The following SUSD4 variants were observed in gnomAD, a reference collection of about 807,000 sequenced individuals.
SUSD4 encodes the protein sushi domain containing 4.
In SUSD4, 41 loss-of-function variants were observed where a neutral mutation model predicts 50.5. That is an observed-to-expected ratio of 0.81 (90% CI 0.63 to 1.05). The LOEUF (loss-of-function observed/expected upper bound fraction) is 1.05. Among genes scored for constraint, SUSD4 ranks in the 50% least tolerant of loss-of-function variants. SUSD4 has a pLI of 0.00. For missense variants in SUSD4, 580 were observed against 634.7 expected, an observed-to-expected ratio of 0.91 and a Z score of 0.93; for synonymous variants, 257 against 257.3, an observed-to-expected ratio of 1.00 and a Z score of 0.01.
intron 2 of SUSD4, among the ~76,000 whole-genome samples, chr1:223,299,523 A>G (rs559704701): frequency 6.6e-6 from 1 of 152,270 alleles, no homozygotes; most frequent in East Asian, 1.9e-4. Flanking sequence ...TTTAATTCAG[A>G]GTGGAGCACT....
chr1:223,271,176 T>C (rs1290997806), intron 3 of SUSD4, among the ~76,000 whole-genome samples: 2 of 152,222 alleles, frequency 1.3e-5, no homozygotes, highest in African/African-American at 4.8e-5. Context: ...TTAAAACTTG[T>C]TCAGCAATTA....
intron 5 of SUSD4, among the ~76,000 whole-genome samples, chr1:223,246,364 C>A (rs1012300288): frequency 6.6e-6 from 1 of 152,056 alleles, no homozygotes; most frequent in African/African-American, 2.4e-5. Context: ...AGCCATTCTG[C>A]AGTGAGTTGG....
In SUSD4 at chr1:223,223,333, G is replaced by A. The variant is rs777837799; in HGVS notation, c.1360C>T (p.His454Tyr). 4 of 1,610,856 alleles carry A rather than the reference G, an allele frequency of 2.5e-6. No individual in the cohort carries two copies. The South Asian group carries it at 3.3e-5, about 13-fold the overall frequency. ...ATGTCAGGGTTGTCCGAAGCAGGGT[G>A]GGTGCTCTCTTGGCACCTGGGAGGT... ...YSPPRCQEST[H>Y]PASDNPDIIA... is the part of the protein sequence containing the mutation. The change falls in exon 8 of 9, where the codon CAC (histidine) becomes TAC (tyrosine). Residue 454 changes from histidine (H) to tyrosine (Y), a missense_variant. Physicochemically the swap from His to Tyr is moderately conservative, Grantham distance 83. Transcript: ENST00000366878.
chr1:223,259,372 T>G (rs1225462101), intron 5 of SUSD4, among the ~76,000 whole-genome samples: 1 of 152,182 alleles, frequency 6.6e-6, no homozygotes, highest in Non-Finnish European at 1.5e-5. Flanking sequence ...GTCCTCTAAT[T>G]TAGCACTTAG....
chr1:223,315,927 G>T (rs35059272), intron 2 of SUSD4, among the ~76,000 whole-genome samples: 9,733 of 152,194 alleles, frequency 0.064, 367 homozygotes, highest in East Asian at 0.12. Context: ...GTCTGTCTTA[G>T]AAGCCTACAT....
chr1:223,301,036 T>C (rs1558230123), intron 2 of SUSD4, among the ~76,000 whole-genome samples: 1 of 152,242 alleles, frequency 6.6e-6, no homozygotes, highest in Non-Finnish European at 1.5e-5. Flanking sequence ...CTCTGAGGCT[T>C]CTGACTTGCA....
chr1:223,324,325 C>G (rs1666750824), intron 2 of SUSD4, among the ~76,000 whole-genome samples: 1 of 151,406 alleles, frequency 6.6e-6, no homozygotes, highest in African/African-American at 2.4e-5. Context: ...TGTCTTGGGG[C>G]CATTGGGTGT....
intron 7 of SUSD4, among the ~76,000 whole-genome samples, chr1:223,224,510 A>T (rs1023597148): frequency 6.6e-6 from 1 of 152,272 alleles, no homozygotes; most frequent in African/African-American, 2.4e-5. Context: ...AGAAGGAAAA[A>T]AAAGGAAAGC....
intron 2 of SUSD4, among the ~76,000 whole-genome samples, chr1:223,306,927 T>A (rs1665566981): frequency 6.6e-6 from 1 of 150,842 alleles, no homozygotes; most frequent in Non-Finnish European, 1.5e-5. Flanking sequence ...TAATATCTTA[T>A]CACTAAATGA....
chr1:223,222,669 C>A (rs1357609422), intron 8 of SUSD4, among the ~76,000 whole-genome samples: 3 of 152,230 alleles, frequency 2.0e-5, no homozygotes, highest in South Asian at 2.1e-4. Context: ...CTGTAGGAAA[C>A]AGAGACCTAA....
intron 2 of SUSD4, among the ~76,000 whole-genome samples, chr1:223,319,261 A>G (rs1666429710): frequency 1.6e-5 from 2 of 127,970 alleles, no homozygotes; most frequent in Non-Finnish European, 3.2e-5. Context: ...CTTCATGTCC[A>G]AAACACCAAA....
chr1:223,247,129 C>T (rs1660990432), intron 5 of SUSD4, among the ~76,000 whole-genome samples: 1 of 152,166 alleles, frequency 6.6e-6, no homozygotes, highest in Admixed American at 6.5e-5. Flanking sequence ...GAAAGACTTG[C>T]TCCTTTAGTC....
chr1:223,360,496 T>C (rs1668913572), intron 2 of SUSD4, among the ~76,000 whole-genome samples: 1 of 152,150 alleles, frequency 6.6e-6, no homozygotes, highest in African/African-American at 2.4e-5. Context: ...CCAAACATCA[T>C]CTCAGGACAA....
At chr1:223,252,865 G>A (rs986482891) in intron 5 of SUSD4, among the ~76,000 whole-genome samples, 6 of 151,944 alleles carry the variant, frequency 3.9e-5, no homozygotes, top group Non-Finnish European at 7.4e-5. Flanking sequence ...ACTTTGGGAG[G>A]CCAAGGCCTG....
chr1:223,332,955 C>T lies in SUSD4; in HGVS notation c.148+30323G>A, dbSNP rs1304017140. Among the ~76,000 whole-genome samples the T allele has an allele frequency of 1.3e-5, 2 of 152,092 alleles. No homozygotes were observed. The highest frequency in any genetic ancestry group is 2.9e-5 in the Non-Finnish European group (2 of 68,018). ...TCCTGATACTCTGCGTGGAAGCTGC[C>T]GCAACTGCACACCACACCCTCCTCT... On this transcript the variant is annotated intron_variant, in intron 2 of 8. Transcript: ENST00000366878. This position sits in a 1 kb window ranked among gnomAD's most constrained non-coding sequence, Gnocchi z 4.0.
At chr1:223,222,389 A>G (rs1450948925) in intron 8 of SUSD4, among the ~76,000 whole-genome samples, 169 bp from the exon 9 acceptor site, 1 of 152,220 alleles carries the variant, frequency 6.6e-6, no homozygotes, top group East Asian at 1.9e-4. Context: ...CCTATACAAC[A>G]TCTTTCTGTA....
chr1:223,232,733 C>T (rs1298532069), intron 5 of SUSD4, among the ~76,000 whole-genome samples: 4 of 152,152 alleles, frequency 2.6e-5, no homozygotes, highest in Non-Finnish European at 5.9e-5. Flanking sequence ...GCAGGCAGCA[C>T]GGAGTGGCAT....
intron 2 of SUSD4, among the ~76,000 whole-genome samples, chr1:223,304,057 AAAGAGGCCTAG>A (rs759372416): frequency 6.6e-6 from 1 of 152,226 alleles, no homozygotes; most frequent in Non-Finnish European, 1.5e-5. Flanking sequence ...TCTTAACCCT[AAAGAGGCCTAG>A]AAGAGCCGTG....
chr1:223,320,457 C>A (rs1330953848), intron 2 of SUSD4, among the ~76,000 whole-genome samples: 1 of 152,004 alleles, frequency 6.6e-6, no homozygotes, highest in Non-Finnish European at 1.5e-5. Flanking sequence ...TCCACACAGG[C>A]ATACCCTGGG....
Sources: gnomAD v4.1 joint callset for allele counts (sites outside exome capture counted in the v4.1 genomes callset) on GRCh38, gnomAD v4.1.1 for gene constraint, Gnocchi (gnomAD v3.1) non-coding constraint, MANE v1.5 for transcripts, NCBI Gene and HGNC (gene_info 2026-07-23, HGNC 2026-07-21) for gene names.